The following SH2B1 variants were observed in gnomAD, a reference collection of about 807,000 sequenced individuals.
The protein encoded by SH2B1 is SH2B adaptor protein 1.
SH2B1 carries 15 observed loss-of-function variants against 62.6 expected under a neutral mutation model. That is an observed-to-expected ratio of 0.24 (90% CI 0.16 to 0.37). The LOEUF is 0.37. Among genes scored for constraint, SH2B1 ranks in the 10% least tolerant of loss-of-function variants. The probability of loss-of-function intolerance (pLI) is 1.00; values close to 1 mark genes in which losing one functional copy is unlikely to be tolerated. For missense variants in SH2B1, 925 were observed against 1,015.6 expected (o/e 0.91, Z 1.21); for synonymous variants, 443 against 438.0 (o/e 1.01, Z -0.14).
chr16:28,852,182 ATATATATTTTTATT>A lies in SH2B1; in HGVS notation c.-301+5365_-301+5378del, dbSNP rs1246593586. Reference sequence around the variant, plus strand: ...TGAGCAAGACTCCGTATCCAAAAATATATATATTTTTATTTATATATTTACATATATATATTTAC... The same window carrying A: ...TGAGCAAGACTCCGTATCCAAAAATATATATATTTACATATATATATTTAC... On this transcript the variant is annotated intron_variant, in intron 1 of 10. Transcript: ENST00000322610. Among the ~76,000 whole-genome samples, 37 of 134,946 alleles carry A rather than the reference ATATATATTTTTATT, an allele frequency of 2.7e-4. 1 individual carries two copies. Among genetic ancestry groups the A allele is most frequent in the East Asian group, 1.9e-3 (9 of 4,856 alleles). The allele number at this position is 134,946 out of a possible 152,430, so 88.5% of individuals were successfully genotyped here. A position where few individuals can be genotyped will look rare whatever the true frequency, so the allele number is the denominator to read the frequency against.
Position 28,873,914 on chromosome 16 carries a change from A to G in SH2B1, c.*94A>G. 1 of 1,240,146 alleles carries G rather than the reference A, an allele frequency of 8.1e-7. No individual in the cohort carries two copies. The highest frequency in any genetic ancestry group is 1.0e-6 in the Non-Finnish European group (1 of 963,772). The allele number at this position is 1,240,146 out of a possible 1,614,324, so 76.8% of individuals were successfully genotyped here. A position where few individuals can be genotyped will look rare whatever the true frequency, so the allele number is the denominator to read the frequency against. On this transcript the variant is annotated 3_prime_UTR_variant, in exon 8 of 8. Transcript: ENST00000684370. This position sits in a 1 kb window ranked among gnomAD's most constrained non-coding sequence, Gnocchi z 4.2. Reference sequence around the variant, plus strand: ...CAGAGGAGGCCGAAATCCCTCCCCCATGCTTCCTGACCCTTGTTGGCCAAG... The same window carrying G: ...CAGAGGAGGCCGAAATCCCTCCCCCGTGCTTCCTGACCCTTGTTGGCCAAG...
At chr16:28,856,983 T>G (rs573596283) in intron 1 of SH2B1, among the ~76,000 whole-genome samples, 2 of 152,052 alleles carry the variant, frequency 1.3e-5, no homozygotes, top group Non-Finnish European at 2.9e-5. Context: ...CAAAAGCTAC[T>G]AAGTAAAAGG....
At chr16:28,852,217 TTTACATATATA>T (rs1962118421) in intron 1 of SH2B1, among the ~76,000 whole-genome samples, 3 of 71,546 alleles carry the variant, frequency 4.2e-5, no homozygotes, top group African/African-American at 2.3e-4. Context: ...CATATATATA[TTTACATATATA>T]TTTACATATA....
In SH2B1 at chr16:28,867,396, G is replaced by A. The variant is rs1962776480; in HGVS notation, c.1005G>A (p.Leu335=). 1.2e-6 allele frequency: 2 copies of A among 1,614,174 alleles called. No homozygotes were observed. The highest frequency in any genetic ancestry group is 1.7e-6 in the Non-Finnish European group (2 of 1,179,996). Residue 335 remains leucine, a synonymous_variant, in exon 2 of 8, where the codon CTG becomes CTA. Coordinates refer to ENST00000684370, the MANE Select transcript of SH2B1 (RefSeq NM_001387430.1). ...SITDVRTTTA[L]EMPDRENTFV... ...CAGACGTCCGGACAACCACAGCCCT[G>A]GAGATGCCTGACCGGGAGAACACGT...
At chr16:28,856,241 C>A (rs1962322176) in intron 1 of SH2B1, among the ~76,000 whole-genome samples, 1 of 148,598 alleles carries the variant, frequency 6.7e-6, no homozygotes, top group Non-Finnish European at 1.5e-5. Flanking sequence ...CCACTGCACT[C>A]CAGCCCAGGG....
At chr16:28,850,407 T>TA (rs1213732279) in intron 1 of SH2B1, among the ~76,000 whole-genome samples, 1 of 152,040 alleles carries the variant, frequency 6.6e-6, no homozygotes, top group Non-Finnish European at 1.5e-5. Context: ...AACATAAAAA[T>TA]AAAAAAATTT....
chr16:28,868,567 C>G (rs1962856509), intron 2 of SH2B1, among the ~76,000 whole-genome samples: 1 of 151,544 alleles, frequency 6.6e-6, no homozygotes, highest in African/African-American at 2.4e-5. Context: ...TCAAGCGATT[C>G]TCCTGTCTCA....
In SH2B1 at chr16:28,866,631, C is replaced by T; in HGVS notation, c.537C>T (p.Pro179=). 2 of 1,613,826 alleles carry T rather than the reference C, an allele frequency of 1.2e-6. No individual in the cohort carries two copies. Among genetic ancestry groups the T allele is most frequent in the Non-Finnish European group, 1.7e-6 (2 of 1,179,896 alleles). ...AGTGGCGGGGGACCGTTGACCCTCCCTCCTCCGCTGGGCCCCTGGAGACCT... is the reference window on the plus strand; with the variant it reads ...AGTGGCGGGGGACCGTTGACCCTCCTTCCTCCGCTGGGCCCCTGGAGACCT... ...ILQWRGTVDP[P]SSAGPLETSS... The change falls in exon 1 of 8, where the codon CCC becomes CCT. Residue 179 remains proline, a synonymous_variant. Transcript: ENST00000684370. This position sits in a 1 kb window ranked among gnomAD's most constrained non-coding sequence, Gnocchi z 6.3.
At chr16:28,863,565 G>A, upstream of SH2B1, 7 of 1,021,446 alleles carry the variant, frequency 6.9e-6, no homozygotes, top group East Asian at 2.6e-5. Flanking sequence ...CCCTAAGGCC[G>A]GTTCTCTATG....
At chr16:28,859,868 A>AC (rs35947134), upstream of SH2B1, among the ~76,000 whole-genome samples, 3,174 of 75,268 alleles carry the variant, frequency 0.042, 106 homozygotes, top group Non-Finnish European at 0.053. Flanking sequence ...AAACCAATAG[A>AC]CCCCCCCCCC....
chr16:28,872,724 C>T lies in SH2B1; in HGVS notation c.1897+19C>T. On this transcript the variant is annotated intron_variant, in intron 7 of 7. Transcript: ENST00000684370. The surrounding 1 kb of genome is among the most constrained non-coding windows in gnomAD (Gnocchi z 5.3). ...CAGCAGGGTGAGCAGAGCAGGTCTG[C>T]AGGGGAGGAGGTGCCCGTGCACCCA... 1.2e-6 allele frequency: 2 copies of T among 1,613,896 alleles called. No homozygotes were observed. The highest frequency in any genetic ancestry group is 1.7e-6 in the Non-Finnish European group (2 of 1,179,908).
intron 1 of SH2B1, among the ~76,000 whole-genome samples, chr16:28,855,223 CTTTTT>C (rs1567460514): frequency 1.3e-5 from 2 of 150,626 alleles, no homozygotes; most frequent in South Asian, 4.2e-4. Flanking sequence ...ATGATTGTTT[CTTTTT>C]TTAATTGTTG....
rs1388816563 is a variant in SH2B1, at chr16:28,852,427, C to T, written c.-301+5600C>T. Among the ~76,000 whole-genome samples, 45 of 90,756 alleles carry T rather than the reference C, an allele frequency of 5.0e-4. 4 individuals carry two copies. The highest frequency in any genetic ancestry group is 4.9e-4 in the Non-Finnish European group (25 of 51,004). The allele number at this position is 90,756 out of a possible 152,430, so 59.5% of individuals were successfully genotyped here. ...ATTTACATATATATTTATATATTTA[C>T]ATATATATTTATATATATATTTACA... On this transcript the variant is annotated intron_variant, in intron 1 of 10. Transcript: ENST00000322610.
chr16:28,863,712 C>T (rs1273965658), upstream of SH2B1: 1 of 1,535,708 alleles, frequency 6.5e-7, no homozygotes, highest in Non-Finnish European at 8.7e-7. Context: ...TTCACACCGT[C>T]TTCGGTCTCC....
At position 28,869,407 on chromosome 16, in the gene SH2B1, T is replaced by C. The variant is rs1318932626; in HGVS notation, c.1309+24T>C. ...GGGTAAGGGTGGAGCCTTAGAGAGC[T>C]CGGAGCCTCGGAACCTGCCATGCGG... is the stretch of plus-strand genomic sequence containing the variant. On this transcript the variant is annotated intron_variant, in intron 4 of 7. Transcript: ENST00000684370. The C allele has an allele frequency of 2.5e-6, 4 of 1,595,752 alleles. No individual in the cohort carries two copies. In the East Asian group the frequency reaches 6.7e-5, roughly 27 times the overall value.
Position 28,864,113 on chromosome 16 carries a change from C to T in SH2B1, c.-1982C>T. On this transcript the variant is annotated 5_prime_UTR_variant, in exon 1 of 8. Transcript: ENST00000684370. ...GACAGGGCTGGTCCCGAGGTGGATG[C>T]GGCCCCGGAAAATGGGCGGCTGGGG... 3 of 1,211,998 alleles carry T rather than the reference C, an allele frequency of 2.5e-6. No homozygotes were observed. Among genetic ancestry groups the T allele is most frequent in the Non-Finnish European group, 3.1e-6 (3 of 967,160 alleles). 75.1% of individuals were successfully genotyped at this position (1,211,998 alleles called of 1,614,324 possible). A position where few individuals can be genotyped will look rare whatever the true frequency, so the allele number is the denominator to read the frequency against.
Position 28,872,347 on chromosome 16 carries a change from T to C in SH2B1, c.1671T>C (p.Ser557=). The part of the protein sequence containing the change: ...GSHGVFLVRQ[S]ETRRGEYVLT... ...ACGGTGTCTTCCTGGTGCGCCAGAGTGAGACAAGGCGGGGTGAATACGTCC... is the reference window on the plus strand; with the variant it reads ...ACGGTGTCTTCCTGGTGCGCCAGAGCGAGACAAGGCGGGGTGAATACGTCC... Residue 557 remains serine (S), a synonymous_variant, in exon 6 of 8, where the codon AGT becomes AGC. Transcript: ENST00000684370. The surrounding 1 kb of genome is among the most constrained non-coding windows in gnomAD (Gnocchi z 5.3). 6.2e-7 allele frequency: 1 copy of C among 1,613,364 alleles called. No homozygotes were observed.
At chr16:28,850,063 A>G (rs996020920) in intron 1 of SH2B1, among the ~76,000 whole-genome samples, 2 of 152,208 alleles carry the variant, frequency 1.3e-5, no homozygotes, top group African/African-American at 4.8e-5. Flanking sequence ...TGTTGACCGT[A>G]GCATCCTCTG....
intron 1 of SH2B1, among the ~76,000 whole-genome samples, chr16:28,852,795 TACATATATA>T (rs1962188068): frequency 1.2e-5 from 1 of 82,480 alleles, no homozygotes; most frequent in Admixed American, 2.2e-4. Context: ...CATATATATT[TACATATATA>T]TTTACATATA....
Sources: gnomAD v4.1 joint callset for allele counts (sites outside exome capture counted in the v4.1 genomes callset) on GRCh38, gnomAD v4.1.1 for gene constraint, Gnocchi (gnomAD v3.1) non-coding constraint, MANE v1.5 for transcripts, NCBI Gene and HGNC (gene_info 2026-07-23, HGNC 2026-07-21) for gene names.